Variants in SIPA1L2 observed in about 807,000 individuals in gnomAD.
SIPA1L2 encodes signal-induced proliferation-associated 1-like protein 2.
A neutral mutation model predicts 163.9 loss-of-function variants in SIPA1L2; 56 were observed. That is an observed-to-expected ratio of 0.34 (90% CI 0.28 to 0.43). SIPA1L2 has a LOEUF of 0.43. SIPA1L2 is among the 20% of genes least tolerant of loss of function. The probability of loss-of-function intolerance (pLI) is 1.00; values close to 1 mark genes in which losing one functional copy is unlikely to be tolerated. For synonymous variants in SIPA1L2, 877 were observed against 865.7 expected (o/e 1.01, Z -0.23); for missense variants, 1,974 against 2,193.5 (o/e 0.90, Z 2.00).
intron 2 of SIPA1L2, among the ~76,000 whole-genome samples, chr1:232,538,929 A>G (rs187694097): frequency 1.1e-3 from 168 of 152,258 alleles, no homozygotes; most frequent in African/African-American, 3.7e-3. Context: ...TATTTTTGTT[A>G]CCTATTCAGA....
intron 1 of SIPA1L2, among the ~76,000 whole-genome samples, chr1:232,601,851 A>G (rs34128998): frequency 0.57 from 87,441 of 152,122 alleles, 26,277 homozygotes; most frequent in East Asian, 0.75. Flanking sequence ...GTCAATCTTC[A>G]TATTATTTTC....
At chr1:232,431,958 T>C (rs1481927664) in intron 16 of SIPA1L2, among the ~76,000 whole-genome samples, 2 of 152,226 alleles carry the variant, frequency 1.3e-5, no homozygotes, top group African/African-American at 4.8e-5. Flanking sequence ...GGTGTATTTA[T>C]AGAGACGCTA....
chr1:232,472,946 CTGAGAAATTCCTACTT>C (rs1219487616), intron 7 of SIPA1L2, among the ~76,000 whole-genome samples: 2 of 152,176 alleles, frequency 1.3e-5, no homozygotes, highest in Non-Finnish European at 2.9e-5. Flanking sequence ...GATTCATATG[CTGAGAAATTCCTACTT>C]AAATCCCCAT....
At chr1:232,446,123 G>C (rs1663204445) in intron 10 of SIPA1L2, among the ~76,000 whole-genome samples, 1 of 152,146 alleles carries the variant, frequency 6.6e-6, no homozygotes, top group Non-Finnish European at 1.5e-5. Context: ...AACTACCAAT[G>C]CGTAAGAAGC....
At chr1:232,492,464 G>A (rs1432328035) in intron 4 of SIPA1L2, among the ~76,000 whole-genome samples, 3 of 152,090 alleles carry the variant, frequency 2.0e-5, no homozygotes, top group Non-Finnish European at 4.4e-5. Flanking sequence ...TCTCACCCCA[G>A]CCTCCTGAGT....
At chr1:232,475,110 A>G (rs1245972849) in intron 7 of SIPA1L2, among the ~76,000 whole-genome samples, 1 of 152,182 alleles carries the variant, frequency 6.6e-6, no homozygotes, top group Admixed American at 6.5e-5. Context: ...AAACGCACAC[A>G]AGTTCTCAGT....
Position 232,515,039 on chromosome 1 carries a change from T to C in SIPA1L2, c.301A>G (p.Ser101Gly). Residue 101 changes from serine to glycine, a missense_variant, in exon 3 of 23, where the codon AGC becomes GGC. Around this residue, in one of 3 missense-constraint regions of SIPA1L2, gnomAD observed 607 missense variants for 624.0 expected, o/e 0.97. Coordinates refer to ENST00000674635, the MANE Select transcript of SIPA1L2 (RefSeq NM_020808.5). ...CTTTCATAACTGGTCTGAGACCGGC[T>C]TTCCCACAGTGCCTTGCATGTTAGC... is the stretch of plus-strand genomic sequence containing the variant. ...KELTCKALWE[S>G]RSQTSYESIT... is the part of the protein sequence containing the mutation. 1.2e-6 allele frequency: 2 copies of C among 1,614,174 alleles called. No individual in the cohort carries two copies. Among genetic ancestry groups the C allele is most frequent in the Non-Finnish European group, 8.5e-7 (1 of 1,180,034 alleles).
At chr1:232,610,985 T>C (rs935073650) in intron 1 of SIPA1L2, among the ~76,000 whole-genome samples, 1 of 152,174 alleles carries the variant, frequency 6.6e-6, no homozygotes, top group African/African-American at 2.4e-5. Flanking sequence ...TCCTCTTGAA[T>C]TGTACTCCCA....
intron 2 of SIPA1L2, among the ~76,000 whole-genome samples, chr1:232,571,637 G>A (rs372018789): frequency 5.1e-4 from 77 of 152,362 alleles, no homozygotes; most frequent in African/African-American, 6.3e-4. Context: ...GGGGCCTAGT[G>A]AGAGATGACT....
intron 19 of SIPA1L2, among the ~76,000 whole-genome samples, chr1:232,408,043 A>G (rs1294085330): frequency 6.6e-6 from 1 of 152,212 alleles, no homozygotes; most frequent in Admixed American, 6.5e-5. Flanking sequence ...TACGTAACAA[A>G]GGGTATGATA....
chr1:232,603,541 G>C (rs371394708), intron 1 of SIPA1L2, among the ~76,000 whole-genome samples: 5 of 152,030 alleles, frequency 3.3e-5, no homozygotes, highest in South Asian at 4.1e-4. Context: ...CAGAGGATGC[G>C]GCCTGAGGAC....
chr1:232,534,133 T>C (rs1243650497), intron 2 of SIPA1L2, among the ~76,000 whole-genome samples: 2 of 151,650 alleles, frequency 1.3e-5, no homozygotes, highest in Non-Finnish European at 2.9e-5. Context: ...TTTCTGAATA[T>C]AAAACTTATT....
intron 1 of SIPA1L2, among the ~76,000 whole-genome samples, chr1:232,582,636 T>C (rs555608433): frequency 6.5e-4 from 99 of 152,168 alleles, no homozygotes; most frequent in Non-Finnish European, 1.2e-3. Context: ...ATGTGTCTTT[T>C]TGGTATATGA....
intron 14 of SIPA1L2, among the ~76,000 whole-genome samples, chr1:232,440,156 A>C: frequency 6.6e-6 from 1 of 152,220 alleles, no homozygotes; most frequent in East Asian, 1.9e-4. Flanking sequence ...AAAAGAGTCA[A>C]TGCTTTTGGT....
intron 5 of SIPA1L2, among the ~76,000 whole-genome samples, chr1:232,489,545 T>C (rs1267216398): frequency 6.6e-6 from 1 of 152,068 alleles, no homozygotes; most frequent in Non-Finnish European, 1.5e-5. Context: ...GATCTCAAGA[T>C]TATTCATTCT....
chr1:232,399,255 C>T lies in SIPA1L2; in HGVS notation c.5041G>A (p.Val1681Ile), dbSNP rs373931052. ...AGGTGCTGCACTTCTGCTTGGAGAA[C>T]GGCCTTGTCTTGTTTTTCCTGGTCA... ...DLRKEKQDKA[V>I]LQAEVQHLRQ... is the part of the protein sequence containing the mutation. Residue 1681 changes from valine to isoleucine, a missense_variant, in exon 23 of 23, where the codon GTT (valine) becomes ATT (isoleucine). Val to Ile is a conservative substitution (Grantham distance 29). Around this residue, in one of 3 missense-constraint regions of SIPA1L2, gnomAD observed 1,079 missense variants for 1,150.7 expected, o/e 0.94. Transcript: ENST00000674635. 39 of 1,613,314 alleles carry T rather than the reference C, an allele frequency of 2.4e-5. No homozygotes were observed. Among genetic ancestry groups the T allele is most frequent in the Middle Eastern group, 3.3e-4 (2 of 6,084 alleles).
At chr1:232,420,216 G>C (rs146684064) in intron 18 of SIPA1L2, among the ~76,000 whole-genome samples, 1 of 152,024 alleles carries the variant, frequency 6.6e-6, no homozygotes, top group African/African-American at 2.4e-5. Context: ...CCAGTTACTC[G>C]GGAGGCTGAG....
At chr1:232,436,413 G>A (rs1462747415) in intron 15 of SIPA1L2, among the ~76,000 whole-genome samples, 1 of 152,166 alleles carries the variant, frequency 6.6e-6, no homozygotes, top group African/African-American at 2.4e-5. Context: ...CGGGTCAGGG[G>A]CACGGAGCAC....
At chr1:232,598,240 A>G (rs936943260) in intron 1 of SIPA1L2, among the ~76,000 whole-genome samples, 1 of 143,882 alleles carries the variant, frequency 7.0e-6, no homozygotes, top group South Asian at 2.1e-4. Flanking sequence ...TGTCTGTTAA[A>G]AAAAAAAAAA....
Sources: allele counts gnomAD v4.1 joint callset (sites outside exome capture counted in the v4.1 genomes callset), GRCh38; gene constraint gnomAD v4.1.1; regional missense constraint gnomAD v4.1.1; transcripts MANE v1.5; gene names NCBI Gene and HGNC (gene_info 2026-07-23, HGNC 2026-07-21).